TBC1D1: variants seen among roughly 807,000 people sequenced by gnomAD.
The protein encoded by TBC1D1 is TBC1 domain family member 1, also known as TBC1 (tre-2/USP6, BUB2, cdc16) domain family, member 1.
In TBC1D1, 89 loss-of-function variants were observed where a neutral mutation model predicts 125.6. The ratio of observed to expected loss-of-function variants is 0.71; its 90% CI spans 0.60 to 0.85. The LOEUF is 0.85. TBC1D1 is among the 40% of genes least tolerant of loss of function. TBC1D1 has a pLI of 0.00. For synonymous variants in TBC1D1, 565 were observed against 564.1 expected, an observed-to-expected ratio of 1.00 and a Z score of -0.02; for missense variants, 1,377 against 1,469.2, an observed-to-expected ratio of 0.94 and a Z score of 1.03.
At chr4:38,041,425 C>T (rs1051127115) in intron 8 of TBC1D1, among the ~76,000 whole-genome samples, 5 of 152,144 alleles carry the variant, frequency 3.3e-5, no homozygotes, top group Non-Finnish European at 5.9e-5. Flanking sequence ...TCTGAAGGGG[C>T]ACAGTCCCTG....
At chr4:37,903,343 G>C (rs746114710) in intron 2 of TBC1D1, among the ~76,000 whole-genome samples, 2 of 152,204 alleles carry the variant, frequency 1.3e-5, no homozygotes, top group Non-Finnish European at 2.9e-5. Context: ...GATTAGCTTA[G>C]ATAAAATTGA....
intron 12 of TBC1D1, among the ~76,000 whole-genome samples, chr4:38,057,307 C>T (rs1333444179): frequency 2.6e-5 from 4 of 152,182 alleles, no homozygotes; most frequent in Non-Finnish European, 4.4e-5. Context: ...GAATGCTCTT[C>T]GTCAGTATCC....
chr4:37,992,556 G>A (rs563333825), intron 2 of TBC1D1, among the ~76,000 whole-genome samples: 92 of 147,878 alleles, frequency 6.2e-4, no homozygotes, highest in Non-Finnish European at 1.2e-3. Flanking sequence ...GTGCAGTGGC[G>A]CGATCTTGGC....
At chr4:38,092,517 G>A (rs1239885462) in intron 13 of TBC1D1, among the ~76,000 whole-genome samples, 2 of 152,052 alleles carry the variant, frequency 1.3e-5, no homozygotes, top group African/African-American at 2.4e-5. Flanking sequence ...GATCACCTGA[G>A]GTCAGGGGTT....
At chr4:37,895,200 C>T (rs932361658) in intron 1 of TBC1D1, among the ~76,000 whole-genome samples, 8 of 152,158 alleles carry the variant, frequency 5.3e-5, no homozygotes, top group African/African-American at 9.7e-5. Context: ...TATTGTCCAA[C>T]GTTTTGTAAG....
At chr4:38,052,805 C>A (rs1751006743) in intron 11 of TBC1D1, among the ~76,000 whole-genome samples, 1 of 151,146 alleles carries the variant, frequency 6.6e-6, no homozygotes, top group South Asian at 2.1e-4. Flanking sequence ...GCAATTTGTG[C>A]CATATCAGAA....
At chr4:38,045,740 A>G in intron 9 of TBC1D1, 77 bp from the exon 10 acceptor site, 3 of 1,029,260 alleles carry the variant, frequency 2.9e-6, no homozygotes, top group Non-Finnish European at 4.6e-6. Flanking sequence ...GCTTATTTAA[A>G]TGGACCAATC....
intron 18 of TBC1D1, among the ~76,000 whole-genome samples, chr4:38,129,735 G>C (rs1225120050): frequency 2.0e-5 from 3 of 152,134 alleles, no homozygotes; most frequent in Non-Finnish European, 4.4e-5. Flanking sequence ...ACAATTCACC[G>C]AAGAGGAGAT....
At chr4:37,973,532 C>A (rs978126640) in intron 2 of TBC1D1, among the ~76,000 whole-genome samples, 1 of 152,216 alleles carries the variant, frequency 6.6e-6, no homozygotes, top group African/African-American at 2.4e-5. Context: ...GGGTTCTCCT[C>A]ATCCTTTCCC....
intron 2 of TBC1D1, among the ~76,000 whole-genome samples, chr4:37,929,428 A>G (rs1006666237): frequency 1.3e-5 from 2 of 152,172 alleles, no homozygotes; most frequent in African/African-American, 4.8e-5. Flanking sequence ...TGTACTCCCC[A>G]TGGGGTATTT....
At chr4:37,949,649 C>A (rs973351683) in intron 2 of TBC1D1, among the ~76,000 whole-genome samples, 1 of 152,200 alleles carries the variant, frequency 6.6e-6, no homozygotes, top group African/African-American at 2.4e-5. Flanking sequence ...ACATGCTCAG[C>A]TTTCCTTCTT....
chr4:37,962,473 A>T (rs1033815077), intron 2 of TBC1D1, among the ~76,000 whole-genome samples: 1 of 152,238 alleles, frequency 6.6e-6, no homozygotes, highest in Non-Finnish European at 1.5e-5. Context: ...AGCCGGTAAC[A>T]TCTAAAATTT....
chr4:38,076,129 G>T (rs556290872), intron 12 of TBC1D1, among the ~76,000 whole-genome samples: 14 of 152,340 alleles, frequency 9.2e-5, no homozygotes, highest in African/African-American at 2.9e-4. Context: ...TCACAGTTCA[G>T]CATGGCTGGG....
At chr4:37,946,031 A>G (rs1252855968) in intron 2 of TBC1D1, among the ~76,000 whole-genome samples, 1 of 152,234 alleles carries the variant, frequency 6.6e-6, no homozygotes, top group Non-Finnish European at 1.5e-5. Flanking sequence ...ACAGAAAGCC[A>G]TAATATATTT....
intron 1 of TBC1D1, among the ~76,000 whole-genome samples, chr4:37,897,755 G>GT (rs1714964829): frequency 6.6e-6 from 1 of 152,176 alleles, no homozygotes. Context: ...CTTTAAACAT[G>GT]TTTTGGGATT....
chr4:38,107,151 G>A (rs1472935171), intron 15 of TBC1D1, among the ~76,000 whole-genome samples: 2 of 152,138 alleles, frequency 1.3e-5, no homozygotes, highest in Non-Finnish European at 2.9e-5. Context: ...GCTTTTTCCA[G>A]GGACTCCCCG....
intron 6 of TBC1D1, among the ~76,000 whole-genome samples, chr4:38,023,892 G>A (rs554893889): frequency 2.1e-4 from 32 of 152,308 alleles, no homozygotes; most frequent in Non-Finnish European, 1.6e-4. Context: ...AGGAACTGCC[G>A]TATGGTACCA....
chr4:37,919,340 G>T (rs371691259), intron 2 of TBC1D1, among the ~76,000 whole-genome samples: 42 of 140,920 alleles, frequency 3.0e-4, no homozygotes, highest in East Asian at 1.1e-3. Context: ...GTTTGTTTTT[G>T]TTTTTTTTTT....
intron 2 of TBC1D1, among the ~76,000 whole-genome samples, chr4:38,007,675 C>T (rs1447316208): frequency 6.6e-6 from 1 of 152,194 alleles, no homozygotes; most frequent in African/African-American, 2.4e-5. Context: ...CATTTATGTG[C>T]TGCTTTATTC....
Sources: gnomAD v4.1 joint callset for allele counts (sites outside exome capture counted in the v4.1 genomes callset) on GRCh38, gnomAD v4.1.1 for gene constraint, MANE v1.5 for transcripts, NCBI Gene and HGNC (gene_info 2026-07-23, HGNC 2026-07-21) for gene names.